The following SETD5 variants were observed in gnomAD, a reference collection of about 807,000 sequenced individuals.
SETD5 encodes SET domain containing 5.
In SETD5, 44 loss-of-function variants were observed where a neutral mutation model predicts 153.3. That is an observed-to-expected ratio of 0.29 (90% CI 0.23 to 0.37). The LOEUF (loss-of-function observed/expected upper bound fraction) is 0.37, where lower values mean the gene tolerates loss of function less well. SETD5 is among the 10% of genes least tolerant of loss of function. The pLI, the probability that SETD5 is intolerant of heterozygous loss-of-function variation, is 1.00. For missense variants in SETD5, 1,544 were observed against 1,768.0 expected, an observed-to-expected ratio of 0.87 and a Z score of 2.27; for synonymous variants, 716 against 645.2, an observed-to-expected ratio of 1.11 and a Z score of -1.66.
At chr3:9,455,986 C>A (rs1353067408) in intron 17 of SETD5, among the ~76,000 whole-genome samples, 1 of 151,892 alleles carries the variant, frequency 6.6e-6, no homozygotes, top group East Asian at 1.9e-4. Flanking sequence ...AAGCAGCAGT[C>A]AAATGCGCAA....
intron 16 of SETD5, 87 bp from the exon 17 acceptor site, chr3:9,453,652 C>A: frequency 7.9e-7 from 1 of 1,269,774 alleles, no homozygotes; most frequent in Non-Finnish European, 1.1e-6. Context: ...TGAATTGTAT[C>A]ACTCACCAGT....
chr3:9,401,591 G>C (rs2034788428), intron 1 of SETD5, among the ~76,000 whole-genome samples: 1 of 152,108 alleles, frequency 6.6e-6, no homozygotes, highest in South Asian at 2.1e-4. Flanking sequence ...AAAGTGCAAA[G>C]TACAGATTTG....
chr3:9,476,123 G>A lies in SETD5; in HGVS notation c.*32G>A, dbSNP rs1006148417. ...TGGATTTGGGCAAACAGAACTGAAT[G>A]AGCCCATAGCTGCTTCCTTCCAGCT... is the stretch of plus-strand genomic sequence containing the variant. On this transcript the variant is annotated 3_prime_UTR_variant, in exon 23 of 23. Coordinates refer to ENST00000402198, the MANE Select transcript of SETD5 (RefSeq NM_001080517.3). 6.3e-7 allele frequency: 1 copy of A among 1,599,844 alleles called. No individual in the cohort carries two copies. Among genetic ancestry groups the A allele is most frequent in the Non-Finnish European group, 8.5e-7 (1 of 1,171,960 alleles).
chr3:9,453,569 T>G (rs1163241516), intron 16 of SETD5, among the ~76,000 whole-genome samples, 170 bp from the exon 17 acceptor site: 1 of 152,190 alleles, frequency 6.6e-6, no homozygotes. Flanking sequence ...TAAAAGGAAT[T>G]GATAGGACAA....
At chr3:9,419,860 T>A (rs1480723074) in intron 1 of SETD5, among the ~76,000 whole-genome samples, 1 of 152,054 alleles carries the variant, frequency 6.6e-6, no homozygotes, top group Non-Finnish European at 1.5e-5. Flanking sequence ...TGGCTCCCAT[T>A]TTGGGGTTTG....
Position 9,451,918 on chromosome 3 carries a change from A to G in SETD5, c.2347-1821A>G, listed in dbSNP as rs200655703. Among the ~76,000 whole-genome samples, 4 of 152,330 alleles carry G rather than the reference A, an allele frequency of 2.6e-5. No homozygotes were observed. The East Asian group carries it at 5.8e-4, about 22-fold the overall frequency. ...CAGAGAAGGGAGAAATGTTCTTTTG[A>G]TTTTAACAACTTGCTGAGTAGGTGC... On this transcript the variant is annotated intron_variant, in intron 16 of 22. Transcript: ENST00000402198.
chr3:9,408,952 TAA>T (rs1193213250), intron 1 of SETD5, among the ~76,000 whole-genome samples: 3 of 152,228 alleles, frequency 2.0e-5, no homozygotes, highest in African/African-American at 7.2e-5. Flanking sequence ...TTTAATTTTA[TAA>T]GTGTCGTTTG....
chr3:9,474,933 G>A (rs2045702304), intron 21 of SETD5, 135 bp from the exon 22 acceptor site: 1 of 759,078 alleles, frequency 1.3e-6, no homozygotes, highest in South Asian at 1.8e-5. Context: ...CTTCTGGCAT[G>A]CTGCACTCAC....
chr3:9,413,209 T>C (rs887463253), intron 1 of SETD5, among the ~76,000 whole-genome samples: 1 of 151,960 alleles, frequency 6.6e-6, no homozygotes, highest in African/African-American at 2.4e-5. Context: ...ACAGAAAAAA[T>C]AGAGTAGCCT....
rs1281973674 is a variant in SETD5 at position 9,471,078 on chromosome 3, T to C, written c.3195+149T>C. 11 of 600,236 alleles carry C rather than the reference T, an allele frequency of 1.8e-5. No homozygotes were observed. The Admixed American group carries it at 2.4e-4, about 13-fold the overall frequency. 37.2% of individuals were successfully genotyped at this position (600,236 alleles called of 1,614,324 possible). On this transcript the variant is annotated intron_variant, in intron 19 of 22. Coordinates refer to ENST00000402198, the MANE Select transcript of SETD5 (RefSeq NM_001080517.3). ...CAAATCCAGTGAAAGACAGGCTGTT[T>C]TAGTACAACTTGGTGAATGTTGTAA...
chr3:9,476,293 AG>A lies in SETD5; in HGVS notation c.*203del. 6.0e-6 allele frequency: 4 copies of A among 671,160 alleles called. No homozygotes were observed. The highest frequency in any genetic ancestry group is 9.8e-6 in the Non-Finnish European group (4 of 410,114). 41.6% of individuals were successfully genotyped at this position (671,160 alleles called of 1,614,324 possible). A position where few individuals can be genotyped will look rare whatever the true frequency, so the allele number is the denominator to read the frequency against. On this transcript the variant is annotated 3_prime_UTR_variant, in exon 23 of 23. Transcript: ENST00000402198. Reference sequence around the variant, plus strand: ...AAGCTGTAAATCTTGTCTGAAGCAGAGACTATAAAGAAGTTTCTCCCTGCTG... The same window carrying A: ...AAGCTGTAAATCTTGTCTGAAGCAGAACTATAAAGAAGTTTCTCCCTGCTG...
At chr3:9,426,721 A>G (rs1199894508) in intron 2 of SETD5, among the ~76,000 whole-genome samples, 1 of 151,960 alleles carries the variant, frequency 6.6e-6, no homozygotes, top group African/African-American at 2.4e-5. Context: ...TATTTTTAGT[A>G]GAGACAGGAT....
intron 1 of SETD5, among the ~76,000 whole-genome samples, chr3:9,404,417 A>G (rs544801108): frequency 1.3e-5 from 2 of 152,194 alleles, no homozygotes; most frequent in Non-Finnish European, 2.9e-5. Flanking sequence ...AATTTTGAGT[A>G]ATTAATTATT....
At chr3:9,415,366 A>G (rs778566390) in intron 1 of SETD5, among the ~76,000 whole-genome samples, 1 of 152,152 alleles carries the variant, frequency 6.6e-6, no homozygotes, top group Non-Finnish European at 1.5e-5. Context: ...TATAAGTTAA[A>G]TATTTTTAAT....
chr3:9,427,953 T>C (rs1043951000), intron 2 of SETD5, among the ~76,000 whole-genome samples: 1 of 152,246 alleles, frequency 6.6e-6, no homozygotes, highest in Non-Finnish European at 1.5e-5. Context: ...ATGGTCACCA[T>C]GTCAAGCTAT....
chr3:9,468,478 C>T (rs1159046874), intron 18 of SETD5: 4 of 1,299,548 alleles, frequency 3.1e-6, no homozygotes, highest in South Asian at 2.5e-5. Context: ...TTCTTGACTT[C>T]GAGTAGATGA....
chr3:9,435,243 CA>C (rs5846637), intron 6 of SETD5, among the ~76,000 whole-genome samples: 13,492 of 80,182 alleles, frequency 0.17, 697 homozygotes, highest in Non-Finnish European at 0.25. Context: ...AACTCCCTCT[CA>C]AAAAAAAAAA....
intron 14 of SETD5, 68 bp downstream of exon 14, chr3:9,447,375 G>A (rs2042140174): frequency 1.3e-6 from 2 of 1,536,562 alleles, no homozygotes; most frequent in African/African-American, 2.8e-5. Flanking sequence ...CTAACTTTTG[G>A]AATTTTTAAA....
At chr3:9,406,242 C>A (rs1018987397) in intron 1 of SETD5, among the ~76,000 whole-genome samples, 1 of 152,052 alleles carries the variant, frequency 6.6e-6, no homozygotes, top group African/African-American at 2.4e-5. Flanking sequence ...ACTTTTAGTT[C>A]TAAAGACAAA....
Sources: allele counts gnomAD v4.1 joint callset (sites outside exome capture counted in the v4.1 genomes callset), GRCh38; gene constraint gnomAD v4.1.1; transcripts MANE v1.5; gene names NCBI Gene and HGNC (gene_info 2026-07-23, HGNC 2026-07-21).